The following DKK3 variants were observed in gnomAD, a reference collection of about 807,000 sequenced individuals.
DKK3 encodes the protein dickkopf Wnt signaling pathway inhibitor 3, also known as dickkopf-related protein 3.
A neutral mutation model predicts 33.2 loss-of-function variants in DKK3; 22 were observed. The observed-to-expected ratio is 0.66, with a 90% confidence interval of 0.47 to 0.95. The LOEUF (loss-of-function observed/expected upper bound fraction) is 0.95, where lower values mean the gene tolerates loss of function less well. Ranked by LOEUF, DKK3 falls within the 40% of genes least tolerant of loss-of-function variation. DKK3 has a pLI of 0.00. For synonymous variants in DKK3, 194 were observed against 188.8 expected, an observed-to-expected ratio of 1.03 and a Z score of -0.23; for missense variants, 398 against 458.4, an observed-to-expected ratio of 0.87 and a Z score of 1.20.
chr11:11,965,330 C>T (rs115721200), intron 6 of DKK3, among the ~76,000 whole-genome samples: 3,982 of 152,176 alleles, frequency 0.026, 150 homozygotes, highest in African/African-American at 0.081. Context: ...GTAGAGGCTG[C>T]GGGGAGGACA....
At chr11:11,999,252 G>A (rs913637123) in intron 2 of DKK3, among the ~76,000 whole-genome samples, 1 of 152,170 alleles carries the variant, frequency 6.6e-6, no homozygotes, top group African/African-American at 2.4e-5. Context: ...CATCAAGAAA[G>A]TGCTTAAGTA....
chr11:11,979,278 T>G (rs943497075), intron 3 of DKK3, among the ~76,000 whole-genome samples: 3 of 152,250 alleles, frequency 2.0e-5, no homozygotes. Context: ...CTGCTGTATC[T>G]GCTCAGGGCC....
At chr11:11,973,880 G>A (rs918874977) in intron 3 of DKK3, among the ~76,000 whole-genome samples, 1 of 152,242 alleles carries the variant, frequency 6.6e-6, no homozygotes, top group Admixed American at 6.5e-5. Context: ...ACAACAATGA[G>A]TCCCTGGAGG....
At chr11:11,986,187 C>G (rs886399116) in intron 3 of DKK3, among the ~76,000 whole-genome samples, 1 of 152,190 alleles carries the variant, frequency 6.6e-6, no homozygotes, top group Non-Finnish European at 1.5e-5. Flanking sequence ...AGCCACTACT[C>G]TTTTGTTCCT....
intron 1 of DKK3, among the ~76,000 whole-genome samples, chr11:12,005,550 A>G (rs1848520883): frequency 6.6e-6 from 1 of 152,256 alleles, no homozygotes; most frequent in Non-Finnish European, 1.5e-5. Flanking sequence ...GGAATATCCC[A>G]GATTGAAGCC....
intron 2 of DKK3, chr11:12,001,978 A>G (rs1203202548): frequency 4.9e-6 from 1 of 205,550 alleles, no homozygotes; most frequent in African/African-American, 2.3e-5. Context: ...CACAAATTCA[A>G]TGCTAGGAAA....
At chr11:12,008,903 A>G, upstream of DKK3, 1 of 1,082,682 alleles carries the variant, frequency 9.2e-7, no homozygotes, top group Non-Finnish European at 1.1e-6. The surrounding 1 kb of genome is among the most constrained non-coding windows in gnomAD (Gnocchi z 4.6). Context: ...GAGCAACCGA[A>G]CCCGGATCCT....
At position 11,964,203 on chromosome 11, in the gene DKK3, C is replaced by T. The variant is rs541113060; in HGVS notation, c.*261G>A. 1 of 491,138 alleles carries T rather than the reference C, an allele frequency of 2.0e-6. No individual in the cohort carries two copies. Among genetic ancestry groups the T allele is most frequent in the East Asian group, 3.3e-5 (1 of 30,262 alleles). 30.4% of individuals were successfully genotyped at this position (491,138 alleles called of 1,614,324 possible). ...TGTCTGCCAACTGGTAGAGGCAAAG[C>T]AGCCAATAATCTGGACAGGGGTGGC... On this transcript the variant is annotated 3_prime_UTR_variant, in exon 7 of 7. Transcript: ENST00000683431.
chr11:11,990,108 GC>G (rs1848157746), intron 3 of DKK3, among the ~76,000 whole-genome samples: 1 of 152,238 alleles, frequency 6.6e-6, no homozygotes, highest in Non-Finnish European at 1.5e-5. Flanking sequence ...AAATTTGGCA[GC>G]CAGGATACAA....
chr11:11,974,456 T>C (rs1249372989), intron 3 of DKK3, among the ~76,000 whole-genome samples: 1 of 152,152 alleles, frequency 6.6e-6, no homozygotes, highest in African/African-American at 2.4e-5. Context: ...AGCCAGCATC[T>C]GGTGAGGGCC....
chr11:12,008,889 G>T (rs1286478733), upstream of DKK3: 9 of 1,110,616 alleles, frequency 8.1e-6, no homozygotes, highest in African/African-American at 1.2e-4. The surrounding 1 kb of genome is among the most constrained non-coding windows in gnomAD (Gnocchi z 4.6). Context: ...TGGAGCCCTC[G>T]CCAGAGCAAC....
chr11:11,986,009 G>T (rs1848063019), intron 3 of DKK3, among the ~76,000 whole-genome samples: 1 of 152,148 alleles, frequency 6.6e-6, no homozygotes, highest in African/African-American at 2.4e-5. Flanking sequence ...AATGGAAAAA[G>T]CAAAGGCTAC....
intron 3 of DKK3, among the ~76,000 whole-genome samples, chr11:11,973,301 T>A (rs1273902047): frequency 6.6e-6 from 1 of 152,178 alleles, no homozygotes; most frequent in East Asian, 1.9e-4. Flanking sequence ...ACACTTTTCA[T>A]TTCCTGCTGG....
chr11:11,995,164 C>T (rs1212933342), intron 3 of DKK3, among the ~76,000 whole-genome samples: 2 of 152,212 alleles, frequency 1.3e-5, no homozygotes, highest in Non-Finnish European at 2.9e-5. Flanking sequence ...ACTGCAGCCT[C>T]GACCGCCTGG....
chr11:12,002,125 T>G, intron 2 of DKK3, 175 bp downstream of exon 2: 1 of 687,264 alleles, frequency 1.5e-6, no homozygotes, highest in Non-Finnish European at 2.2e-6. Flanking sequence ...CCTGATACAT[T>G]GTCTCTCCAC....
At chr11:12,003,754 A>T (rs1848480108) in intron 1 of DKK3, among the ~76,000 whole-genome samples, 1 of 151,682 alleles carries the variant, frequency 6.6e-6, no homozygotes, top group African/African-American at 2.4e-5. Context: ...TTTTAAAAAA[A>T]GAATGCTCAA....
intron 5 of DKK3, 64 bp from the exon 6 acceptor site, chr11:11,966,029 G>A (rs1483739727): frequency 9.9e-6 from 15 of 1,520,622 alleles, no homozygotes; most frequent in Non-Finnish European, 1.2e-5. Context: ...CAAAGGGAGG[G>A]GCAAAGAAAT....
intron 3 of DKK3, among the ~76,000 whole-genome samples, chr11:11,974,181 T>C (rs537877486): frequency 6.6e-6 from 1 of 152,144 alleles, no homozygotes; most frequent in Non-Finnish European, 1.5e-5. Flanking sequence ...CCTCCACCAA[T>C]AGGATGCACT....
At chr11:11,981,994 G>A (rs6485336) in intron 3 of DKK3, among the ~76,000 whole-genome samples, 12,436 of 152,158 alleles carry the variant, frequency 0.082, 1,581 homozygotes, top group African/African-American at 0.27. Flanking sequence ...AGCTGCTGCA[G>A]GTGCTCCCCA....
Sources: allele counts gnomAD v4.1 joint callset (sites outside exome capture counted in the v4.1 genomes callset), GRCh38; gene constraint gnomAD v4.1.1; non-coding constraint Gnocchi (gnomAD v3.1); transcripts MANE v1.5; gene names NCBI Gene and HGNC (gene_info 2026-07-23, HGNC 2026-07-21).